Variants in TBCK observed in about 807,000 individuals in gnomAD.
The protein encoded by TBCK is TBC1 domain containing kinase, also known as TBC domain-containing protein kinase-like protein.
A neutral mutation model predicts 113.4 loss-of-function variants in TBCK; 99 were observed. The ratio of observed to expected loss-of-function variants is 0.87; its 90% CI spans 0.74 to 1.03. TBCK has a LOEUF of 1.03. Ranked by LOEUF, TBCK falls within the 50% of genes least tolerant of loss-of-function variation. The pLI is 0.00. For missense variants in TBCK, 1,045 were observed against 1,061.3 expected, an observed-to-expected ratio of 0.98 and a Z score of 0.21; for synonymous variants, 369 against 370.8, an observed-to-expected ratio of 1.00 and a Z score of 0.05.
chr4:106,122,729 A>G (rs1744601059), intron 23 of TBCK, among the ~76,000 whole-genome samples: 1 of 152,174 alleles, frequency 6.6e-6, no homozygotes, highest in Admixed American at 6.5e-5. Context: ...ATATACACAA[A>G]TCAATAAATG....
chr4:106,119,812 T>C (rs907076932), intron 23 of TBCK, among the ~76,000 whole-genome samples: 5 of 151,904 alleles, frequency 3.3e-5, no homozygotes, highest in Admixed American at 3.3e-4. Flanking sequence ...ATAGCAATAA[T>C]AAAATAATCT....
chr4:106,228,893 C>T (rs1758528214), intron 19 of TBCK, among the ~76,000 whole-genome samples: 1 of 152,034 alleles, frequency 6.6e-6, no homozygotes, highest in Non-Finnish European at 1.5e-5. Flanking sequence ...TCTCTACATC[C>T]TCACCAGCAT....
At chr4:106,202,585 A>G (rs1347815741) in intron 20 of TBCK, among the ~76,000 whole-genome samples, 2 of 152,128 alleles carry the variant, frequency 1.3e-5, no homozygotes, top group Non-Finnish European at 2.9e-5. Context: ...AAACTGTTTC[A>G]TAACAGGGGA....
chr4:106,116,473 C>A, intron 23 of TBCK, 95 bp from the exon 24 acceptor site: 1 of 987,612 alleles, frequency 1.0e-6, no homozygotes. Flanking sequence ...AACAATACAG[C>A]ATATAAGAGA....
chr4:106,207,070 T>C (rs1755587059), intron 20 of TBCK, among the ~76,000 whole-genome samples: 1 of 152,208 alleles, frequency 6.6e-6, no homozygotes, highest in Admixed American at 6.5e-5. Context: ...AGGCCTACTA[T>C]ATTTTTAAAA....
chr4:106,309,088 G>A, intron 1 of TBCK, 99 bp from the exon 2 acceptor site: 3 of 668,288 alleles, frequency 4.5e-6, no homozygotes, highest in Non-Finnish European at 7.3e-6. Flanking sequence ...ATGCCAACCT[G>A]AACACTTCAC....
intron 25 of TBCK, among the ~76,000 whole-genome samples, chr4:106,062,155 G>T (rs1736126374): frequency 6.6e-6 from 1 of 151,816 alleles, no homozygotes; most frequent in Non-Finnish European, 1.5e-5. Context: ...TCTTCCTATA[G>T]ATTTATAGAT....
At chr4:106,048,101 T>C (rs1411808102) in intron 25 of TBCK, among the ~76,000 whole-genome samples, 4 of 152,166 alleles carry the variant, frequency 2.6e-5, no homozygotes, top group Non-Finnish European at 5.9e-5. Flanking sequence ...TCTGCTTTAT[T>C]GATCTGGGGC....
At chr4:106,230,833 G>C (rs1758777840) in intron 18 of TBCK, among the ~76,000 whole-genome samples, 1 of 151,714 alleles carries the variant, frequency 6.6e-6, no homozygotes, top group Non-Finnish European at 1.5e-5. Context: ...ATGGATTTAG[G>C]AATAGTGTTA....
intron 5 of TBCK, among the ~76,000 whole-genome samples, chr4:106,252,377 T>A (rs1177073903): frequency 6.8e-6 from 1 of 147,928 alleles, no homozygotes. Flanking sequence ...TTTAAAAAAG[T>A]ATTTATTTTT....
intron 22 of TBCK, among the ~76,000 whole-genome samples, chr4:106,177,067 G>C (rs898717196): frequency 1.3e-5 from 2 of 151,204 alleles, no homozygotes; most frequent in Non-Finnish European, 3.0e-5. Context: ...GAAACTTCTG[G>C]GCTCAAGTGA....
intron 3 of TBCK, among the ~76,000 whole-genome samples, chr4:106,293,886 T>C (rs981706114): frequency 4.6e-5 from 7 of 152,230 alleles, no homozygotes; most frequent in African/African-American, 1.7e-4. Context: ...ATTGGTTTAA[T>C]ACAACTTGAT....
intron 23 of TBCK, among the ~76,000 whole-genome samples, chr4:106,145,623 T>C (rs982649633): frequency 2.0e-5 from 3 of 152,200 alleles, no homozygotes; most frequent in Non-Finnish European, 2.9e-5. Context: ...TGCGAAAACA[T>C]GATCTAGAAG....
At position 106,141,587 on chromosome 4, in the gene TBCK, T is replaced by C. The variant is rs77447890; in HGVS notation, c.2236-25209A>G. Among the ~76,000 whole-genome samples the C allele has an allele frequency of 7.7e-3, 1,081 of 140,654 alleles. 90 individuals are homozygous for C. Among genetic ancestry groups the C allele is most frequent in the African/African-American group, 0.026 (1,031 of 39,956 alleles). The allele number at this position is 140,654 out of a possible 152,430, so 92.3% of individuals were successfully genotyped here. ...ATCAAACTGTTGGTGAAATCAACAA[T>C]CTTTCTATGTATCAAAAACAATCAA... On this transcript the variant is annotated intron_variant, in intron 23 of 25. Coordinates refer to ENST00000394708, the MANE Select transcript of TBCK (RefSeq NM_001163435.3).
intron 24 of TBCK, among the ~76,000 whole-genome samples, chr4:106,107,325 A>T (rs1006636457): frequency 6.6e-6 from 1 of 152,218 alleles, no homozygotes; most frequent in African/African-American, 2.4e-5. Context: ...CCAAACCAAC[A>T]GAATATACAT....
In TBCK at chr4:106,123,197, T is replaced by TGTA. The variant is rs773831778; in HGVS notation, c.2236-6822_2236-6820dup. ...GCAAAGTCTCAGGATACAAAATCAA[T>TGTA]GTAGAAAAATCACAAGCATTCTTAT... On this transcript the variant is annotated intron_variant, in intron 23 of 25. Coordinates refer to ENST00000394708, the MANE Select transcript of TBCK (RefSeq NM_001163435.3). 1.2e-3 allele frequency among the ~76,000 whole-genome samples: 183 copies of TGTA among 152,284 alleles called. 1 individual carries two copies. The highest frequency in any genetic ancestry group is 1.9e-3 in the South Asian group (9 of 4,830).
intron 19 of TBCK, among the ~76,000 whole-genome samples, chr4:106,227,833 G>T (rs1049050251): frequency 9.9e-5 from 15 of 151,816 alleles, no homozygotes; most frequent in Admixed American, 9.9e-4. Context: ...GAATCTTGTT[G>T]AAAGGATATA....
At chr4:106,168,359 AC>A (rs948911013) in intron 23 of TBCK, among the ~76,000 whole-genome samples, 24 of 151,888 alleles carry the variant, frequency 1.6e-4, no homozygotes, top group African/African-American at 4.8e-4. Flanking sequence ...CTTGTAAAAA[AC>A]ATCTACAAAA....
chr4:106,257,912 C>T (rs966993360), intron 5 of TBCK, among the ~76,000 whole-genome samples: 3 of 152,094 alleles, frequency 2.0e-5, no homozygotes, highest in Admixed American at 1.3e-4. Context: ...TTTATCATCA[C>T]CACAATACAT....
Sources: allele counts gnomAD v4.1 joint callset (sites outside exome capture counted in the v4.1 genomes callset), GRCh38; gene constraint gnomAD v4.1.1; transcripts MANE v1.5; gene names NCBI Gene and HGNC (gene_info 2026-07-23, HGNC 2026-07-21).